WWOX: variants seen among roughly 807,000 people sequenced by gnomAD.
WWOX encodes the protein WW domain containing oxidoreductase.
WWOX carries 69 observed loss-of-function variants against 46.2 expected under a neutral mutation model. The ratio of observed to expected loss-of-function variants is 1.49; its 90% CI spans 1.23 to 1.82. WWOX has a LOEUF of 1.82. Ranked by LOEUF, WWOX falls within the 40% of genes most tolerant of loss-of-function variation. The pLI, the probability that WWOX is intolerant of heterozygous loss-of-function variation, is 0.00. For synonymous variants in WWOX, 359 were observed against 202.6 expected (o/e 1.77, Z -6.56); for missense variants, 919 against 542.6 (o/e 1.69, Z -6.89).
chr16:78,994,941 T>TTC (rs978240085), intron 8 of WWOX, among the ~76,000 whole-genome samples: 2 of 150,730 alleles, frequency 1.3e-5, no homozygotes, highest in African/African-American at 4.9e-5. Flanking sequence ...AGCCTTTTTT[T>TTC]TTTCTTTCTT....
chr16:78,256,546 C>A (rs1242647391), intron 5 of WWOX, among the ~76,000 whole-genome samples: 1 of 151,604 alleles, frequency 6.6e-6, no homozygotes, highest in African/African-American at 2.4e-5. Context: ...ATGTAATGAC[C>A]CTCTCCTGGC....
At chr16:78,396,440 T>C (rs1236490377) in intron 6 of WWOX, among the ~76,000 whole-genome samples, 1 of 152,206 alleles carries the variant, frequency 6.6e-6, no homozygotes, top group African/African-American at 2.4e-5. Flanking sequence ...ATCCTAGGTT[T>C]AACTATCACT....
intron 8 of WWOX, among the ~76,000 whole-genome samples, chr16:78,756,264 T>C (rs548987995): frequency 4.6e-5 from 7 of 152,138 alleles, no homozygotes; most frequent in Non-Finnish European, 1.0e-4. Flanking sequence ...AGATGTCATG[T>C]TGGCAGACAG....
intron 5 of WWOX, among the ~76,000 whole-genome samples, chr16:78,298,859 G>T (rs2079989766): frequency 6.6e-6 from 1 of 151,582 alleles, no homozygotes; most frequent in Admixed American, 6.6e-5. Flanking sequence ...CATTTACATT[G>T]TTTAACACTG....
At chr16:78,423,868 A>G (rs1241320228) in intron 6 of WWOX, among the ~76,000 whole-genome samples, 1 of 151,452 alleles carries the variant, frequency 6.6e-6, no homozygotes, top group African/African-American at 2.4e-5. Flanking sequence ...AATTAAATAT[A>G]TACAAAATAA....
chr16:78,337,333 A>C (rs1057286664), intron 5 of WWOX, among the ~76,000 whole-genome samples: 3 of 152,172 alleles, frequency 2.0e-5, no homozygotes, highest in African/African-American at 7.2e-5. Context: ...ATAGTACATA[A>C]GGTCTTGTGT....
intron 7 of WWOX, among the ~76,000 whole-genome samples, chr16:78,431,297 A>T (rs906070149): frequency 6.6e-6 from 1 of 152,232 alleles, no homozygotes; most frequent in Non-Finnish European, 1.5e-5. Flanking sequence ...GGCTTTGTTT[A>T]CATTTTTCTT....
chr16:78,159,437 G>GT (rs2034711243), intron 4 of WWOX, among the ~76,000 whole-genome samples: 2 of 152,058 alleles, frequency 1.3e-5, no homozygotes, highest in South Asian at 4.1e-4. Context: ...ACTAAGGAAT[G>GT]TAAGTTTCTC....
At chr16:78,822,887 C>G (rs986379046) in intron 8 of WWOX, among the ~76,000 whole-genome samples, 3 of 146,394 alleles carry the variant, frequency 2.0e-5, no homozygotes, top group Non-Finnish European at 4.5e-5. Context: ...AGATTCCTAG[C>G]AAGAAACATC....
chr16:78,986,555 CAAGAAT>C (rs955783653), intron 8 of WWOX, among the ~76,000 whole-genome samples: 1 of 152,148 alleles, frequency 6.6e-6, no homozygotes, highest in Non-Finnish European at 1.5e-5. Flanking sequence ...TAAATAAGAA[CAAGAAT>C]GACAAACCGA....
rs148964529 is a variant in WWOX at position 78,913,376 on chromosome 16, T to A, written c.1057-298232T>A. On this transcript the variant is annotated intron_variant, in intron 8 of 8. Transcript: ENST00000566780. ...TGTGCCTGAGTCTTGGCCAATGGAC[T>A]GTTGGAAGACGAGACGTTGGCCCCT... 3.9e-3 allele frequency among the ~76,000 whole-genome samples: 586 copies of A among 152,068 alleles called. 12 individuals carry two copies. The highest frequency in any genetic ancestry group is 0.034 in the Admixed American group (518 of 15,266).
At chr16:79,209,328 C>G (rs1328861858) in intron 8 of WWOX, among the ~76,000 whole-genome samples, 1 of 152,160 alleles carries the variant, frequency 6.6e-6, no homozygotes, top group African/African-American at 2.4e-5. Flanking sequence ...TCCAGTAATG[C>G]AAGAGTGCAA....
rs376096828 is a variant in WWOX, at chr16:78,599,677, G to T, written c.1056+166925G>T. Among the ~76,000 whole-genome samples, 143 of 152,322 alleles carry T rather than the reference G, an allele frequency of 9.4e-4. 1 individual carries two copies. Among genetic ancestry groups the T allele is most frequent in the African/African-American group, 3.3e-3 (137 of 41,588 alleles). ...CTCAGAGCGGCCCCTGAAGAGACAG[G>T]TTGGACCAAGGGACATCCACAGATG... On this transcript the variant is annotated intron_variant, in intron 8 of 8. Coordinates refer to ENST00000566780, the MANE Select transcript of WWOX (RefSeq NM_016373.4).
At chr16:78,500,168 T>A (rs1208338079) in intron 8 of WWOX, among the ~76,000 whole-genome samples, 1 of 152,102 alleles carries the variant, frequency 6.6e-6, no homozygotes, top group Non-Finnish European at 1.5e-5. Context: ...TGGTGTAGAA[T>A]TTTGCCAGTC....
chr16:78,573,886 T>A (rs545741123), intron 8 of WWOX, among the ~76,000 whole-genome samples: 2 of 152,214 alleles, frequency 1.3e-5, no homozygotes, highest in South Asian at 2.1e-4. Flanking sequence ...TATTATTTCA[T>A]GGTTTCTGTG....
intron 8 of WWOX, among the ~76,000 whole-genome samples, chr16:78,540,172 A>C (rs780607199): frequency 6.6e-6 from 1 of 152,020 alleles, no homozygotes; most frequent in Non-Finnish European, 1.5e-5. Flanking sequence ...ATTTAGGTAT[A>C]GTTAGAAAAA....
intron 5 of WWOX, among the ~76,000 whole-genome samples, chr16:78,332,927 A>G (rs758807001): frequency 6.6e-6 from 1 of 152,150 alleles, no homozygotes; most frequent in Admixed American, 6.5e-5. Context: ...AATCTTAACT[A>G]TAATAATCAT....
chr16:78,421,315 A>C (rs2082924229), intron 6 of WWOX, among the ~76,000 whole-genome samples: 2 of 151,982 alleles, frequency 1.3e-5, no homozygotes, highest in Non-Finnish European at 2.9e-5. Flanking sequence ...CTAGCTTCCC[A>C]TGACTGCCAG....
intron 8 of WWOX, among the ~76,000 whole-genome samples, chr16:78,912,818 C>G (rs1046373500): frequency 6.6e-6 from 1 of 151,950 alleles, no homozygotes; most frequent in Admixed American, 6.6e-5. Flanking sequence ...GGAAGATATA[C>G]AAGGTTCTCC....
Sources: gnomAD v4.1 joint callset for allele counts (sites outside exome capture counted in the v4.1 genomes callset) on GRCh38, gnomAD v4.1.1 for gene constraint, MANE v1.5 for transcripts, NCBI Gene and HGNC (gene_info 2026-07-23, HGNC 2026-07-21) for gene names.